The following LARGE1 variants were observed in gnomAD, a reference collection of about 807,000 sequenced individuals.
LARGE1 encodes LARGE xylosyl- and glucuronyltransferase 1, also known as xylosyl- and glucuronyltransferase LARGE1.
LARGE1 carries 43 observed loss-of-function variants against 87.6 expected under a neutral mutation model. That is an observed-to-expected ratio of 0.49 (90% CI 0.38 to 0.63). The LOEUF is 0.63. Among genes scored for constraint, LARGE1 ranks in the 30% least tolerant of loss-of-function variants. LARGE1 has a pLI of 0.00. For synonymous variants in LARGE1, 434 were observed against 394.6 expected, an observed-to-expected ratio of 1.10 and a Z score of -1.18; for missense variants, 802 against 1,000.2, an observed-to-expected ratio of 0.80 and a Z score of 2.67.
intron 1 of LARGE1, among the ~76,000 whole-genome samples, chr22:33,773,474 T>C (rs533420096): frequency 7.2e-6 from 1 of 139,314 alleles, no homozygotes; most frequent in Non-Finnish European, 1.6e-5. Context: ...GTGTCACAGA[T>C]CGGGGCAGTG....
intron 9 of LARGE1, among the ~76,000 whole-genome samples, chr22:33,352,867 C>T (rs1045775969): frequency 6.6e-6 from 1 of 152,142 alleles, no homozygotes; most frequent in African/African-American, 2.4e-5. Flanking sequence ...AGTCTAACAT[C>T]CTTCCAAATA....
Position 33,390,957 on chromosome 22 carries a change from A to C in LARGE1, c.893-6653T>G, listed in dbSNP as rs192848828. On this transcript the variant is annotated intron_variant, in intron 7 of 14. Coordinates refer to ENST00000397394, the MANE Select transcript of LARGE1 (RefSeq NM_133642.5). ...AGTGATCCGCCCACCTTGGCCTCCC[A>C]AAGTGCTGGGAACACAGGTGTAAAC... is the stretch of plus-strand genomic sequence containing the variant. Among the ~76,000 whole-genome samples, 515 of 152,242 alleles carry C rather than the reference A, an allele frequency of 3.4e-3. 3 individuals carry two copies. The highest frequency in any genetic ancestry group is 0.012 in the African/African-American group (501 of 41,522).
At chr22:33,790,227 A>G (rs2085779680) in intron 1 of LARGE1, among the ~76,000 whole-genome samples, 1 of 152,210 alleles carries the variant, frequency 6.6e-6, no homozygotes, top group Non-Finnish European at 1.5e-5. Flanking sequence ...CATGTAAGAC[A>G]TGACTTTGCT....
chr22:33,370,628 C>A (rs1254306152), intron 9 of LARGE1, among the ~76,000 whole-genome samples: 1 of 151,834 alleles, frequency 6.6e-6, no homozygotes, highest in Non-Finnish European at 1.5e-5. Flanking sequence ...GCAGTAAGAT[C>A]TTTGTGTATG....
chr22:33,348,023 A>C (rs1054758833), intron 9 of LARGE1, among the ~76,000 whole-genome samples: 1 of 152,144 alleles, frequency 6.6e-6, no homozygotes, highest in Non-Finnish European at 1.5e-5. Context: ...GGGGCTGCAG[A>C]TTGTCACACA....
At chr22:33,744,672 C>T (rs527648096) in intron 2 of LARGE1, among the ~76,000 whole-genome samples, 83 of 152,162 alleles carry the variant, frequency 5.5e-4, no homozygotes, top group Non-Finnish European at 8.5e-4. Context: ...GGCTCTGCCA[C>T]GCTCACGCCC....
At chr22:33,899,791 A>T (rs1385879330) in intron 1 of LARGE1, among the ~76,000 whole-genome samples, 1 of 152,224 alleles carries the variant, frequency 6.6e-6, no homozygotes, top group Non-Finnish European at 1.5e-5. Context: ...ATAACATGAA[A>T]ATCTATTTAA....
At chr22:33,262,227 C>T (rs1295269686) in intron 11 of LARGE1, among the ~76,000 whole-genome samples, 1 of 152,180 alleles carries the variant, frequency 6.6e-6, no homozygotes, top group African/African-American at 2.4e-5. Flanking sequence ...TCTGGCACAT[C>T]CGGCTTCAAG....
intron 9 of LARGE1, among the ~76,000 whole-genome samples, chr22:33,357,799 G>GA (rs998751573): frequency 4.6e-5 from 7 of 151,024 alleles, no homozygotes; most frequent in Non-Finnish European, 8.9e-5. Context: ...TCGCAAAAAA[G>GA]AAAAAAAAAT....
intron 11 of LARGE1, among the ~76,000 whole-genome samples, chr22:33,178,188 A>G (rs1922980286): frequency 6.6e-6 from 1 of 152,200 alleles, no homozygotes; most frequent in African/African-American, 2.4e-5. Context: ...TAGGATCACC[A>G]GGGCCAAATG....
intron 9 of LARGE1, among the ~76,000 whole-genome samples, chr22:33,342,131 G>T (rs981689168): frequency 9.2e-5 from 14 of 152,140 alleles, no homozygotes; most frequent in Admixed American, 1.3e-4. Flanking sequence ...TAAGATCCTG[G>T]GCCATGCATT....
intron 11 of LARGE1, among the ~76,000 whole-genome samples, chr22:33,199,715 A>G (rs772221427): frequency 7.9e-5 from 12 of 152,102 alleles, no homozygotes; most frequent in Non-Finnish European, 1.5e-4. Context: ...CTGTTAATCT[A>G]TGTGTCTAGT....
At chr22:33,203,460 G>T (rs1853558173) in intron 11 of LARGE1, among the ~76,000 whole-genome samples, 1 of 152,060 alleles carries the variant, frequency 6.6e-6, no homozygotes, top group Admixed American at 6.5e-5. Context: ...CTTTCCTCTG[G>T]CTCCTCAACT....
At chr22:33,183,231 T>C (rs986116666) in intron 11 of LARGE1, among the ~76,000 whole-genome samples, 19 of 152,082 alleles carry the variant, frequency 1.2e-4, no homozygotes, top group African/African-American at 4.3e-4. Context: ...GAAAAAATGA[T>C]CAACATCACT....
downstream of LARGE1, among the ~76,000 whole-genome samples, chr22:33,161,367 CACAATCATGCCTTCCCA>C (rs1276346196): frequency 2.6e-5 from 4 of 152,178 alleles, no homozygotes; most frequent in Non-Finnish European, 5.9e-5. Context: ...CATTTCAAAA[CACAATCATGCCTTCCCA>C]ACAGTCCCCC....
At chr22:33,744,779 GGGA>G (rs1347645904) in intron 2 of LARGE1, among the ~76,000 whole-genome samples, 2 of 152,224 alleles carry the variant, frequency 1.3e-5, no homozygotes, top group African/African-American at 4.8e-5. Flanking sequence ...ATAGAAAGGA[GGGA>G]GGAGAAGGAG....
chr22:33,187,958 A>AAAAAAAAG lies in LARGE1; in HGVS notation c.1731-21127_1731-21126insCTTTTTTT, dbSNP rs1568965475. Among the ~76,000 whole-genome samples the AAAAAAAAG allele has an allele frequency of 4.7e-5, 5 of 107,472 alleles. 2 individuals carry two copies. Among genetic ancestry groups the AAAAAAAAG allele is most frequent in the African/African-American group, 7.1e-5 (2 of 28,338 alleles). 70.5% of individuals were successfully genotyped at this position (107,472 alleles called of 152,430 possible). ...AAAAAAAAAAAAAAAAAAAAAAAAA[A>AAAAAAAAG]AATCACTAAGAGGATAGATTTCAAG... On this transcript the variant is annotated intron_variant, in intron 11 of 11. Transcript: ENST00000608642.
the LARGE1 span, among the ~76,000 whole-genome samples, chr22:33,109,757 T>G: frequency 6.6e-6 from 1 of 152,116 alleles, no homozygotes; most frequent in Admixed American, 6.5e-5. Flanking sequence ...TGACTTGGTG[T>G]CCTCCCTGCA....
At chr22:33,128,688 A>AC in the LARGE1 span, among the ~76,000 whole-genome samples, 2 of 145,314 alleles carry the variant, frequency 1.4e-5, no homozygotes, top group Admixed American at 1.4e-4. Flanking sequence ...AACAAAAAAA[A>AC]AAAAAAAAAG....
Sources: gnomAD v4.1 joint callset for allele counts (sites outside exome capture counted in the v4.1 genomes callset) on GRCh38, gnomAD v4.1.1 for gene constraint, MANE v1.5 for transcripts, NCBI Gene and HGNC (gene_info 2026-07-23, HGNC 2026-07-21) for gene names.